PCDHGA3: variants seen among roughly 807,000 people sequenced by gnomAD.
The protein encoded by PCDHGA3 is protocadherin gamma subfamily A, 3.
PCDHGA3 carries 40 observed loss-of-function variants against 58.5 expected under a neutral mutation model. That is an observed-to-expected ratio of 0.68 (90% CI 0.53 to 0.89). PCDHGA3 has a LOEUF of 0.89. Ranked by LOEUF, PCDHGA3 falls within the 40% of genes least tolerant of loss-of-function variation. PCDHGA3 has a pLI of 0.00. For synonymous variants in PCDHGA3, 530 were observed against 525.7 expected, an observed-to-expected ratio of 1.01 and a Z score of -0.11; for missense variants, 1,223 against 1,195.9, an observed-to-expected ratio of 1.02 and a Z score of -0.33.
At chr5:141,415,818 A>C in intron 1 of PCDHGA3, 11 of 1,325,038 alleles carry the variant, frequency 8.3e-6, no homozygotes, top group Non-Finnish European at 8.7e-6. Flanking sequence ...CCTATATATC[A>C]TAAGGCTTTG....
In PCDHGA3 at chr5:141,345,078, A is replaced by G. The variant is rs368977574; in HGVS notation, c.1045A>G (p.Ile349Val). ...DVNDNAPEIT[I>V]TSLTSSVPEE... ...GAATGACAATGCTCCAGAAATTACA[A>G]TCACGTCTCTCACAAGCTCAGTCCC... Residue 349 changes from isoleucine (I) to valine (V), a missense_variant, in exon 1 of 4, where the codon ATC (isoleucine) becomes GTC (valine). Transcript: ENST00000253812. 9 of 1,613,988 alleles carry G rather than the reference A, an allele frequency of 5.6e-6. No homozygotes were observed. Among genetic ancestry groups the G allele is most frequent in the Non-Finnish European group, 6.8e-6 (8 of 1,179,884 alleles).
chr5:141,408,782 T>G (rs1561715407), intron 1 of PCDHGA3: 1 of 1,612,108 alleles, frequency 6.2e-7, no homozygotes, highest in East Asian at 2.2e-5. Flanking sequence ...ATACCCAGAG[T>G]TATCTCTGGA....
chr5:141,478,118 G>A (rs1266841885), intron 1 of PCDHGA3: 1 of 1,613,930 alleles, frequency 6.2e-7, no homozygotes, highest in East Asian at 2.2e-5. Context: ...GTCAGTAACC[G>A]AGGACTCTCC....
intron 3 of PCDHGA3, among the ~76,000 whole-genome samples, chr5:141,507,817 G>C (rs1038461861): frequency 3.3e-5 from 5 of 152,206 alleles, no homozygotes; most frequent in Non-Finnish European, 5.9e-5. Context: ...AACGGACCCT[G>C]GGGGTGGAGG....
At chr5:141,384,192 C>G in intron 1 of PCDHGA3, 1 of 1,613,866 alleles carries the variant, frequency 6.2e-7, no homozygotes. Flanking sequence ...GAACTCCTCC[C>G]TTGTCCAGGG....
chr5:141,389,379 C>G, intron 1 of PCDHGA3: 1 of 1,613,770 alleles, frequency 6.2e-7, no homozygotes, highest in Non-Finnish European at 8.5e-7. Context: ...GCAGCGGGAG[C>G]TGTCATCCTA....
rs776773140 is a variant in PCDHGA3, at chr5:141,476,589, G to T, written c.2425-18218G>T. The T allele has an allele frequency of 6.2e-7, 1 of 1,614,246 alleles. No individual in the cohort carries two copies. Among genetic ancestry groups the T allele is most frequent in the South Asian group, 1.1e-5 (1 of 91,090 alleles). On this transcript the variant is annotated intron_variant, in intron 1 of 3. Coordinates refer to ENST00000253812, the MANE Select transcript of PCDHGA3 (RefSeq NM_018916.4). This position sits in a 1 kb window ranked among gnomAD's most constrained non-coding sequence, Gnocchi z 7.6. ...CCGGGGACGCGCTTTCCGCTCGAGA[G>T]CGCGCACGATCCCGATGTGGGAAGC...
At position 141,385,321 on chromosome 5, in the gene PCDHGA3, C is replaced by T. The variant is rs1267234548; in HGVS notation, c.2424+38864C>T. On this transcript the variant is annotated intron_variant, in intron 1 of 3. Transcript: ENST00000253812. ...ATGTAAAGAAAACCTGCCAAGTATT[C>T]AGGTGAGCCCAGCCCTTCCTTTATT... 3.7e-6 allele frequency: 6 copies of T among 1,606,764 alleles called. No homozygotes were observed. The South Asian group carries it at 6.7e-5, about 18-fold the overall frequency.
At chr5:141,446,231 C>T (rs1412899811) in intron 1 of PCDHGA3, among the ~76,000 whole-genome samples, 2 of 152,176 alleles carry the variant, frequency 1.3e-5, no homozygotes, top group African/African-American at 2.4e-5. Flanking sequence ...TGTTGCCTGG[C>T]AAGTGGTAGA....
At chr5:141,354,497 T>C (rs943322375) in intron 1 of PCDHGA3, among the ~76,000 whole-genome samples, 4 of 152,204 alleles carry the variant, frequency 2.6e-5, no homozygotes, top group South Asian at 2.1e-4. Context: ...GAACAGTAGG[T>C]GAGTTTTTTG....
chr5:141,418,635 C>G, intron 1 of PCDHGA3: 1 of 1,614,018 alleles, frequency 6.2e-7, no homozygotes. Flanking sequence ...CCTCCAGGCA[C>G]CTCCATCCTG....
intron 1 of PCDHGA3, chr5:141,356,029 G>A (rs558981733): frequency 6.2e-6 from 10 of 1,613,954 alleles, no homozygotes; most frequent in South Asian, 5.5e-5. Flanking sequence ...CAATGGAGAC[G>A]TGACGTATTC....
chr5:141,365,442 T>C, intron 1 of PCDHGA3: 1 of 1,614,014 alleles, frequency 6.2e-7, no homozygotes, highest in Non-Finnish European at 8.5e-7. Context: ...CTGTTTAGCG[T>C]ACATGATGGT....
rs770070482 is a variant in PCDHGA3, at chr5:141,345,029, G to T, written c.996G>T (p.Lys332Asn). Residue 332 changes from lysine to asparagine, a missense_variant, in exon 1 of 4, where the codon AAG (lysine) becomes AAT (asparagine). Around this residue, in one of 3 missense-constraint regions of PCDHGA3, gnomAD observed 791 missense variants for 708.5 expected, o/e 1.12. Coordinates refer to ENST00000253812, the MANE Select transcript of PCDHGA3 (RefSeq NM_018916.4). ...GACCAGGTCTTCTTTCAAGAGCCAA[G>T]ATTCTAGTCACGGTTCTGGATGTGA... is the stretch of plus-strand genomic sequence containing the variant. The part of the protein sequence containing the change: ...QDGPGLLSRA[K>N]ILVTVLDVND... The T allele has an allele frequency of 3.7e-6, 6 of 1,613,836 alleles. No individual in the cohort carries two copies. In the South Asian group the frequency reaches 6.6e-5, roughly 18 times the overall value.
chr5:141,421,498 A>T (rs1303740754), intron 1 of PCDHGA3: 2 of 1,613,952 alleles, frequency 1.2e-6, no homozygotes, highest in African/African-American at 1.3e-5. Context: ...GGCAGGCAGG[A>T]TAGACCGGGA....
intron 1 of PCDHGA3, chr5:141,370,337 G>A: frequency 6.9e-7 from 1 of 1,448,610 alleles, no homozygotes; most frequent in Non-Finnish European, 9.3e-7. Context: ...AGAACTCTTG[G>A]GATTATTTAA....
chr5:141,403,237 C>T (rs1293614874), intron 1 of PCDHGA3: 1 of 1,613,824 alleles, frequency 6.2e-7, no homozygotes, highest in Non-Finnish European at 8.5e-7. Flanking sequence ...GGGAGGAGCT[C>T]TGTGCTCAGA....
rs770391604 is a variant in PCDHGA3, at chr5:141,431,437, G to A, written c.2425-63370G>A. On this transcript the variant is annotated intron_variant, in intron 1 of 3. Coordinates refer to ENST00000253812, the MANE Select transcript of PCDHGA3 (RefSeq NM_018916.4). The surrounding 1 kb of genome is among the most constrained non-coding windows in gnomAD (Gnocchi z 4.8). ...GCGACCCGGTGCGCACAGGCACCGC[G>A]CGCATCCGCGTGATGGTTCTGGATG... The A allele has an allele frequency of 7.4e-6, 12 of 1,613,710 alleles. No homozygotes were observed. In the East Asian group the frequency reaches 2.5e-4, roughly 33 times the overall value.
chr5:141,469,104 C>T (rs1046234848), intron 1 of PCDHGA3, among the ~76,000 whole-genome samples: 1 of 151,760 alleles, frequency 6.6e-6, no homozygotes, highest in Admixed American at 6.6e-5. Flanking sequence ...AAGCAAGAAC[C>T]TGTCTCTAAA....
Sources: allele counts gnomAD v4.1 joint callset (sites outside exome capture counted in the v4.1 genomes callset), GRCh38; gene constraint gnomAD v4.1.1; regional missense constraint gnomAD v4.1.1; non-coding constraint Gnocchi (gnomAD v3.1); transcripts MANE v1.5; gene names NCBI Gene and HGNC (gene_info 2026-07-23, HGNC 2026-07-21).